The following MCPH1 variants were observed in gnomAD, a reference collection of about 807,000 sequenced individuals.
MCPH1 encodes the protein microcephalin.
MCPH1 carries 104 observed loss-of-function variants against 84.5 expected under a neutral mutation model. The observed-to-expected ratio is 1.23, with a 90% confidence interval of 1.05 to 1.45. The LOEUF (loss-of-function observed/expected upper bound fraction) is 1.45. Ranked by LOEUF, MCPH1 falls within the 40% of genes most tolerant of loss-of-function variation. MCPH1 has a pLI of 0.00. For missense variants in MCPH1, 1,498 were observed against 1,005.7 expected (o/e 1.49, Z -6.62); for synonymous variants, 514 against 366.8 (o/e 1.40, Z -4.58).
chr8:6,543,017 T>C (rs1821892387), intron 12 of MCPH1, among the ~76,000 whole-genome samples: 2 of 152,190 alleles, frequency 1.3e-5, no homozygotes, highest in African/African-American at 4.8e-5. Flanking sequence ...GACTTGGGAA[T>C]GCTGATGGGA....
intron 12 of MCPH1, chr8:6,500,719 G>A (rs928756380): frequency 2.0e-5 from 3 of 152,154 alleles, no homozygotes; most frequent in African/African-American, 7.2e-5. Flanking sequence ...TTCTTAAGGA[G>A]AGACAAAAGC....
intron 12 of MCPH1, among the ~76,000 whole-genome samples, chr8:6,524,208 G>T (rs563060139): frequency 8.8e-4 from 134 of 152,136 alleles, no homozygotes; most frequent in African/African-American, 2.9e-3. Context: ...CCTTTTTTGA[G>T]TCCCGTATAA....
intron 13 of MCPH1, chr8:6,625,100 C>A: frequency 1.3e-6 from 1 of 789,418 alleles, no homozygotes; most frequent in Non-Finnish European, 1.5e-6. Context: ...GTCTCAAACC[C>A]CCAACCTCAA....
intron 7 of MCPH1, among the ~76,000 whole-genome samples, chr8:6,442,379 G>T (rs1444373812): frequency 6.6e-6 from 1 of 151,630 alleles, no homozygotes; most frequent in African/African-American, 2.4e-5. Context: ...TTGCTTTCTT[G>T]CTACAGAATC....
intron 12 of MCPH1, among the ~76,000 whole-genome samples, chr8:6,585,508 T>C (rs545119674): frequency 6.6e-6 from 1 of 152,348 alleles, no homozygotes; most frequent in South Asian, 2.1e-4. Flanking sequence ...AAACATGCAG[T>C]TGGGCTGCTC....
chr8:6,600,867 C>T (rs1021928491), intron 12 of MCPH1, among the ~76,000 whole-genome samples: 3 of 152,134 alleles, frequency 2.0e-5, no homozygotes, highest in African/African-American at 7.2e-5. Flanking sequence ...GGAGACATTG[C>T]CTAGAACTAC....
At chr8:6,477,866 G>C (rs1341429141) in intron 10 of MCPH1, among the ~76,000 whole-genome samples, 1 of 152,170 alleles carries the variant, frequency 6.6e-6, no homozygotes, top group Admixed American at 6.5e-5. Flanking sequence ...TGCTCGTTTT[G>C]GTGTTCTTTT....
At chr8:6,494,271 C>G (rs1173699055) in intron 11 of MCPH1, 1 of 152,196 alleles carries the variant, frequency 6.6e-6, no homozygotes, top group Non-Finnish European at 1.5e-5. Context: ...GAATTCAGCT[C>G]TTCCTCAATT....
intron 13 of MCPH1, chr8:6,627,439 ATGTT>A (rs1285736142): frequency 4.7e-6 from 1 of 212,582 alleles, no homozygotes; most frequent in Non-Finnish European, 8.1e-6. Flanking sequence ...CGCTCAGAAA[ATGTT>A]TGTGGAATTC....
intron 12 of MCPH1, among the ~76,000 whole-genome samples, chr8:6,534,864 A>G (rs1456877452): frequency 6.6e-6 from 1 of 152,166 alleles, no homozygotes; most frequent in East Asian, 1.9e-4. Flanking sequence ...AAACTATTTA[A>G]AAGAAGCCAT....
chr8:6,422,457 C>G (rs965031705), intron 3 of MCPH1, among the ~76,000 whole-genome samples: 20 of 152,128 alleles, frequency 1.3e-4, no homozygotes, highest in Admixed American at 1.1e-3. Flanking sequence ...AAAATAGTAG[C>G]CATTTCTGTA....
chr8:6,438,474 C>A (rs1802998129), intron 5 of MCPH1, among the ~76,000 whole-genome samples: 1 of 152,302 alleles, frequency 6.6e-6, no homozygotes, highest in East Asian at 1.9e-4. Flanking sequence ...GAGCTCATAA[C>A]TTCATGGTTC....
chr8:6,508,869 G>A, intron 12 of MCPH1: 1 of 1,609,706 alleles, frequency 6.2e-7, no homozygotes, highest in Non-Finnish European at 8.5e-7. Flanking sequence ...CAAATTGCCA[G>A]CCTTTCCCTC....
intron 13 of MCPH1, among the ~76,000 whole-genome samples, chr8:6,631,894 A>G (rs1797188925): frequency 6.6e-6 from 1 of 152,254 alleles, no homozygotes; most frequent in Non-Finnish European, 1.5e-5. Context: ...ATCCACATTT[A>G]TAGCAGCATT....
chr8:6,613,340 G>T (rs1317162497), intron 12 of MCPH1, among the ~76,000 whole-genome samples: 1 of 152,260 alleles, frequency 6.6e-6, no homozygotes, highest in African/African-American at 2.4e-5. Context: ...TGGCACACCA[G>T]CCAGATTCAC....
chr8:6,551,168 C>T (rs1823588130), intron 12 of MCPH1, among the ~76,000 whole-genome samples: 1 of 152,116 alleles, frequency 6.6e-6, no homozygotes, highest in Non-Finnish European at 1.5e-5. Context: ...TTTTAAATCA[C>T]TTAAATTTGA....
Position 6,444,674 on chromosome 8 carries a change from G to A in MCPH1, c.952G>A (p.Ala318Thr), listed in dbSNP as rs1471501840. The change falls in exon 8 of 14, where the codon GCT becomes ACT. Residue 318 changes from alanine (A) to threonine (T), a missense_variant. Physicochemically the swap from Ala to Thr is moderately conservative, Grantham distance 58 (BLOSUM62 0). Transcript: ENST00000344683. Reference sequence around the variant, plus strand: ...AGTAGTCACCCCTGACCAAAAGCAGGCTGCAGGTATGTCTCAGGAGACGTT... The same window carrying A: ...AGTAGTCACCCCTGACCAAAAGCAGACTGCAGGTATGTCTCAGGAGACGTT... ...GKVVTPDQKQ[A>T]AGMSQETFEE... 3.7e-6 allele frequency: 6 copies of A among 1,614,042 alleles called. No individual in the cohort carries two copies. The highest frequency in any genetic ancestry group is 1.7e-5 in the Admixed American group (1 of 60,022).
Position 6,623,977 on chromosome 8 carries a change from C to T in MCPH1, c.2452+2286C>T, listed in dbSNP as rs147951789. On this transcript the variant is annotated intron_variant, in intron 13 of 13. Coordinates refer to ENST00000344683, the MANE Select transcript of MCPH1 (RefSeq NM_024596.5). ...GGCAGTCTTTTTGGAGTTTGCAAAG[C>T]GTGTGCCGTGCAGTGCCCGAGCCTG... 3.5e-3 allele frequency among the ~76,000 whole-genome samples: 534 copies of T among 152,332 alleles called. 4 individuals are homozygous for T. Among genetic ancestry groups the T allele is most frequent in the African/African-American group, 0.012 (508 of 41,572 alleles).
chr8:6,445,926 G>C (rs1252277666), intron 8 of MCPH1: 1 of 990,556 alleles, frequency 1.0e-6, no homozygotes, highest in African/African-American at 1.7e-5. Flanking sequence ...TTAAAACCTA[G>C]GTTCTTAATA....
Sources: allele counts gnomAD v4.1 joint callset (sites outside exome capture counted in the v4.1 genomes callset), GRCh38; gene constraint gnomAD v4.1.1; transcripts MANE v1.5; gene names NCBI Gene and HGNC (gene_info 2026-07-23, HGNC 2026-07-21).